EYS: variants seen among roughly 807,000 people sequenced by gnomAD.
The protein encoded by EYS is protein eyes shut homolog.
In EYS, 250 loss-of-function variants were observed where a neutral mutation model predicts 282.1. The ratio of observed to expected loss-of-function variants is 0.89; its 90% CI spans 0.80 to 0.98. The LOEUF is 0.98. EYS is among the 50% of genes least tolerant of loss of function. The probability of loss-of-function intolerance (pLI) is 0.00; values close to 1 mark genes in which losing one functional copy is unlikely to be tolerated. For missense variants in EYS, 4,016 were observed against 3,709.0 expected (o/e 1.08, Z -2.15); for synonymous variants, 1,355 against 1,282.9 (o/e 1.06, Z -1.20).
chr6:65,238,045 T>C, intron 12 of EYS, among the ~76,000 whole-genome samples: 1 of 152,016 alleles, frequency 6.6e-6, no homozygotes, highest in East Asian at 1.9e-4. Flanking sequence ...GTAATGGCTT[T>C]AGGTATATGT....
At position 64,842,675 on chromosome 6, in the gene EYS, C is replaced by A. The variant is rs1018451376; in HGVS notation, c.2993-19853G>T. On this transcript the variant is annotated intron_variant, in intron 19 of 42. Coordinates refer to ENST00000503581, the MANE Select transcript of EYS (RefSeq NM_001142800.2). The stretch of plus-strand genomic sequence containing the variant: ...ACTGGAGCAAAGGTGACTCTTGCTA[C>A]ATTTTAGCAAAGAGACTGGTGGTAC... Among the ~76,000 whole-genome samples the A allele has an allele frequency of 3.3e-5, 5 of 151,940 alleles. No homozygotes were observed. The South Asian group carries it at 1.0e-3, about 32-fold the overall frequency.
At chr6:64,636,019 C>T (rs970956546) in intron 22 of EYS, among the ~76,000 whole-genome samples, 3 of 151,896 alleles carry the variant, frequency 2.0e-5, no homozygotes, top group Admixed American at 1.3e-4. Flanking sequence ...TTGGTCTATT[C>T]AGAGATTCAA....
chr6:64,813,636 A>G (rs1434965687), intron 21 of EYS, 59 bp from the exon 22 acceptor site: 1 of 1,019,034 alleles, frequency 9.8e-7, no homozygotes, highest in Non-Finnish European at 1.3e-6. Context: ...CCATTTTAAT[A>G]TAATTATATT....
intron 5 of EYS, among the ~76,000 whole-genome samples, chr6:65,452,838 A>C (rs1279958282): frequency 6.6e-6 from 1 of 152,178 alleles, no homozygotes; most frequent in Admixed American, 6.6e-5. Flanking sequence ...AGAAGATGTA[A>C]ATTTGTTGAA....
At chr6:64,848,079 T>C (rs1030180323) in intron 19 of EYS, among the ~76,000 whole-genome samples, 1 of 152,058 alleles carries the variant, frequency 6.6e-6, no homozygotes, top group South Asian at 2.1e-4. Context: ...GAATTATTTA[T>C]GTATAAGATT....
intron 26 of EYS, among the ~76,000 whole-genome samples, chr6:64,442,585 G>C (rs563456500): frequency 1.3e-5 from 2 of 152,284 alleles, no homozygotes; most frequent in Non-Finnish European, 2.9e-5. Context: ...GAAGGAAAAT[G>C]TGATTTTGTG....
At chr6:65,575,441 A>C (rs1200210121) in intron 2 of EYS, among the ~76,000 whole-genome samples, 2 of 151,718 alleles carry the variant, frequency 1.3e-5, no homozygotes, top group African/African-American at 2.4e-5. Context: ...CATTTAGCAA[A>C]AGTATTTCTA....
chr6:64,634,806 T>A (rs896954463), intron 22 of EYS, among the ~76,000 whole-genome samples: 3 of 152,210 alleles, frequency 2.0e-5, no homozygotes, highest in Admixed American at 6.5e-5. Flanking sequence ...TATATTCCAC[T>A]TTTAAGAACA....
chr6:64,356,906 G>A (rs1461191590), intron 29 of EYS, among the ~76,000 whole-genome samples: 1 of 151,582 alleles, frequency 6.6e-6, no homozygotes, highest in Non-Finnish European at 1.5e-5. Flanking sequence ...TGTCAGGTGA[G>A]CAAGCTTAAT....
At chr6:63,774,677 A>T (rs1770020176) in intron 40 of EYS, among the ~76,000 whole-genome samples, 1 of 152,194 alleles carries the variant, frequency 6.6e-6, no homozygotes, top group African/African-American at 2.4e-5. Flanking sequence ...CAATGTATAT[A>T]TATTTTGAAA....
rs531758950 is a variant in EYS at position 64,147,528 on chromosome 6, G to C, written c.6425-65526C>G. On this transcript the variant is annotated intron_variant, in intron 31 of 42. Transcript: ENST00000503581. Reference sequence around the variant, plus strand: ...GGCACTGTGGCACTGACCATGAAATGAGGCTATTACATAGATGAGGGAAGT... The same window carrying C: ...GGCACTGTGGCACTGACCATGAAATCAGGCTATTACATAGATGAGGGAAGT... Among the ~76,000 whole-genome samples, 5 of 152,252 alleles carry C rather than the reference G, an allele frequency of 3.3e-5. No individual in the cohort carries two copies. In the East Asian group the frequency reaches 9.7e-4, roughly 29 times the overall value.
At chr6:65,658,966 C>G (rs142070684) in intron 1 of EYS, among the ~76,000 whole-genome samples, 2,060 of 150,458 alleles carry the variant, frequency 0.014, 15 homozygotes, top group African/African-American at 0.018. Context: ...TAGCTTTATT[C>G]TCACACTCTC....
intron 12 of EYS, among the ~76,000 whole-genome samples, chr6:65,128,509 C>T (rs956448116): frequency 2.6e-5 from 4 of 151,974 alleles, no homozygotes; most frequent in African/African-American, 7.2e-5. Context: ...GTACAAAAAT[C>T]AGTAGCATTT....
intron 22 of EYS, among the ~76,000 whole-genome samples, chr6:64,701,898 C>CTT (rs1562143155): frequency 2.0e-5 from 3 of 151,716 alleles, no homozygotes; most frequent in South Asian, 4.2e-4. Flanking sequence ...TATATAATAA[C>CTT]TTTAAAATAG....
chr6:63,797,145 G>T (rs1770666367), intron 37 of EYS: 1 of 152,118 alleles, frequency 6.6e-6, no homozygotes, highest in African/African-American at 2.4e-5. Flanking sequence ...ATGATTCTGC[G>T]ACAGAGACAC....
At chr6:64,768,161 T>A (rs1214846351) in intron 22 of EYS, among the ~76,000 whole-genome samples, 1 of 152,102 alleles carries the variant, frequency 6.6e-6, no homozygotes, top group African/African-American at 2.4e-5. Context: ...TAAACTATTC[T>A]GTTTGATTCA....
intron 5 of EYS, among the ~76,000 whole-genome samples, chr6:65,427,060 C>G (rs551813794): frequency 6.6e-6 from 1 of 151,962 alleles, no homozygotes; most frequent in Admixed American, 6.6e-5. Context: ...ATAGTCTTCT[C>G]TATTATAACC....
intron 11 of EYS, among the ~76,000 whole-genome samples, chr6:65,317,868 T>C: frequency 1.6e-5 from 1 of 62,502 alleles, no homozygotes; most frequent in African/African-American, 8.9e-5. Context: ...CTTTCTTTCT[T>C]TCTTTCTTTC....
intron 35 of EYS, among the ~76,000 whole-genome samples, chr6:63,871,493 T>A (rs1772803294): frequency 6.6e-6 from 1 of 152,016 alleles, no homozygotes; most frequent in Admixed American, 6.6e-5. Context: ...AAACCCCATC[T>A]CTACTAAAAA....
Sources: gnomAD v4.1 joint callset for allele counts (sites outside exome capture counted in the v4.1 genomes callset) on GRCh38, gnomAD v4.1.1 for gene constraint, MANE v1.5 for transcripts, NCBI Gene and HGNC (gene_info 2026-07-23, HGNC 2026-07-21) for gene names.